The following STXBP5L variants were observed in gnomAD, a reference collection of about 807,000 sequenced individuals.
The protein encoded by STXBP5L is syntaxin binding protein 5L.
In STXBP5L, 65 loss-of-function variants were observed where a neutral mutation model predicts 144.5. The observed-to-expected ratio is 0.45, with a 90% CI of 0.37 to 0.55. STXBP5L has a LOEUF of 0.55. Among genes scored for constraint, STXBP5L ranks in the 20% least tolerant of loss-of-function variants. The pLI, the probability that STXBP5L is intolerant of heterozygous loss-of-function variation, is 0.00. For synonymous variants in STXBP5L, 505 were observed against 469.6 expected, an observed-to-expected ratio of 1.08 and a Z score of -0.97; for missense variants, 1,298 against 1,405.5, an observed-to-expected ratio of 0.92 and a Z score of 1.22.
At chr3:121,280,452 A>G (rs942437847) in intron 19 of STXBP5L, among the ~76,000 whole-genome samples, 18 of 151,924 alleles carry the variant, frequency 1.2e-4, no homozygotes, top group Non-Finnish European at 1.9e-4. Context: ...AGGTATTTTC[A>G]CAATTCAATA....
chr3:121,327,719 T>C (rs770539117), intron 20 of STXBP5L, among the ~76,000 whole-genome samples: 1 of 152,222 alleles, frequency 6.6e-6, no homozygotes, highest in Non-Finnish European at 1.5e-5. Context: ...TCTACAGATT[T>C]TCTTTCTTTT....
At chr3:121,000,379 T>C (rs1943674703) in intron 3 of STXBP5L, among the ~76,000 whole-genome samples, 1 of 152,202 alleles carries the variant, frequency 6.6e-6, no homozygotes, top group African/African-American at 2.4e-5. Context: ...CTGAGGCTCT[T>C]TCCTGAACTT....
Position 121,239,045 on chromosome 3 carries a change from A to T in STXBP5L, c.1259A>T (p.Asp420Val). 6.2e-7 allele frequency: 1 copy of T among 1,610,030 alleles called. No individual in the cohort carries two copies. Among genetic ancestry groups the T allele is most frequent in the Non-Finnish European group, 8.5e-7 (1 of 1,178,124 alleles). The stretch of plus-strand genomic sequence containing the variant: ...GTTACATGCACAGCATACTTTGCAG[A>T]TTGTCCTCCGGATTTGATTCTAGTA... ...SPVTCTAYFA[D>V]CPPDLILVLY... The change falls in exon 13 of 27, where the codon GAT becomes GTT. Residue 420 changes from aspartate to valine, a missense_variant. Physicochemically the swap from Asp to Val is radical, Grantham distance 152 (BLOSUM62 -3). Transcript: ENST00000471454.
chr3:121,137,242 A>G (rs1298008458), intron 7 of STXBP5L, among the ~76,000 whole-genome samples: 1 of 142,858 alleles, frequency 7.0e-6, no homozygotes, highest in Admixed American at 7.0e-5. Flanking sequence ...AAAGTTGAAA[A>G]GAATAAAAAA....
intron 20 of STXBP5L, among the ~76,000 whole-genome samples, chr3:121,376,626 G>A (rs897220854): frequency 1.3e-5 from 2 of 152,102 alleles, no homozygotes; most frequent in Non-Finnish European, 2.9e-5. Context: ...TGCTGTTTTG[G>A]TTACTATAGC....
intron 5 of STXBP5L, among the ~76,000 whole-genome samples, chr3:121,082,670 A>C (rs576820717): frequency 5.3e-5 from 8 of 152,294 alleles, no homozygotes; most frequent in African/African-American, 1.9e-4. Flanking sequence ...GGGACATGAC[A>C]GTGTGTGTGT....
At chr3:121,343,209 ATTTG>A (rs1433243769) in intron 20 of STXBP5L, among the ~76,000 whole-genome samples, 1 of 151,742 alleles carries the variant, frequency 6.6e-6, no homozygotes, top group East Asian at 1.9e-4. Context: ...TTTCTTGTAA[ATTTG>A]TTTGAGTTCA....
chr3:121,120,325 GAT>G (rs2044402503), intron 6 of STXBP5L, among the ~76,000 whole-genome samples: 1 of 151,130 alleles, frequency 6.6e-6, no homozygotes, highest in African/African-American at 2.4e-5. Context: ...ATGTATAAAT[GAT>G]ATGTTACATA....
At chr3:120,950,098 G>A (rs757824252) in intron 2 of STXBP5L, among the ~76,000 whole-genome samples, 1 of 151,840 alleles carries the variant, frequency 6.6e-6, no homozygotes, top group Non-Finnish European at 1.5e-5. Context: ...TTACCTAATT[G>A]AAGTCACTAA....
intron 5 of STXBP5L, among the ~76,000 whole-genome samples, chr3:121,053,263 A>T (rs1284143515): frequency 1.3e-5 from 2 of 152,138 alleles, no homozygotes; most frequent in African/African-American, 4.8e-5. Flanking sequence ...ATATGGAGCC[A>T]AAAAAATCCC....
intron 2 of STXBP5L, among the ~76,000 whole-genome samples, chr3:120,951,003 T>A (rs1711181865): frequency 6.6e-6 from 1 of 151,956 alleles, no homozygotes; most frequent in South Asian, 2.1e-4. Context: ...ATGCTGCATA[T>A]CTACAACTAT....
Position 121,407,277 on chromosome 3 carries a change from A to G in STXBP5L, c.2622A>G (p.Thr874=). 1.3e-6 allele frequency: 2 copies of G among 1,597,122 alleles called. No individual in the cohort carries two copies. The highest frequency in any genetic ancestry group is 2.3e-5 in the South Asian group (2 of 87,788). ...TFLSLKGAVL[T]FSCMDRMGGL... is the part of the protein sequence containing the mutation. ...TCTCATTGAAAGGAGCTGTGCTAAC[A>G]TTCTCCTGTATGGACCGAATGGGTG... Residue 874 remains threonine (T), a synonymous_variant, in exon 23 of 27, where the codon ACA becomes ACG. Coordinates refer to ENST00000471454, the MANE Select transcript of STXBP5L (RefSeq NM_001308330.2).
intron 23 of STXBP5L, among the ~76,000 whole-genome samples, chr3:121,410,284 A>G (rs2047085691): frequency 6.6e-6 from 1 of 151,960 alleles, no homozygotes; most frequent in South Asian, 2.1e-4. Context: ...TCTGTCCTTT[A>G]TAAAAGCTGC....
chr3:121,033,568 C>T (rs1433448858), intron 3 of STXBP5L, among the ~76,000 whole-genome samples: 1 of 59,596 alleles, frequency 1.7e-5, no homozygotes, highest in African/African-American at 5.5e-5. Context: ...ACTTAAAGTA[C>T]AATTAAAAAA....
chr3:121,273,050 C>T (rs780927619), intron 18 of STXBP5L, among the ~76,000 whole-genome samples: 6 of 152,028 alleles, frequency 3.9e-5, no homozygotes, highest in Non-Finnish European at 7.4e-5. Context: ...TATACACCAT[C>T]ATTTCAGTAC....
chr3:120,942,261 A>G (rs1319318077), intron 2 of STXBP5L, among the ~76,000 whole-genome samples: 1 of 151,676 alleles, frequency 6.6e-6, no homozygotes, highest in Non-Finnish European at 1.5e-5. Context: ...CTAAATTCTG[A>G]TGGGATTTTA....
At chr3:120,950,654 A>G (rs1194934866) in intron 2 of STXBP5L, among the ~76,000 whole-genome samples, 2 of 152,192 alleles carry the variant, frequency 1.3e-5, no homozygotes, top group African/African-American at 4.8e-5. Flanking sequence ...GAAATAAAAG[A>G]GGATACAAAC....
intron 9 of STXBP5L, among the ~76,000 whole-genome samples, chr3:121,166,947 T>A (rs946181501): frequency 6.0e-5 from 9 of 151,172 alleles, no homozygotes; most frequent in African/African-American, 2.2e-4. Flanking sequence ...AGAGATTTTT[T>A]AAGTAAATTT....
chr3:121,137,701 G>A (rs888861630), intron 7 of STXBP5L, among the ~76,000 whole-genome samples: 6 of 151,976 alleles, frequency 3.9e-5, no homozygotes, highest in Non-Finnish European at 5.9e-5. Context: ...TTTAATACAC[G>A]GAGAAAAGGC....
Sources: allele counts gnomAD v4.1 joint callset (sites outside exome capture counted in the v4.1 genomes callset), GRCh38; gene constraint gnomAD v4.1.1; transcripts MANE v1.5; gene names NCBI Gene and HGNC (gene_info 2026-07-23, HGNC 2026-07-21).